VRK1: variants seen among roughly 807,000 people sequenced by gnomAD.
The protein encoded by VRK1 is VRK serine/threonine kinase 1, also known as serine/threonine-protein kinase VRK1.
VRK1 carries 33 observed loss-of-function variants against 57.1 expected under a neutral mutation model. That is an observed-to-expected ratio of 0.58 (90% CI 0.44 to 0.77). VRK1 has a LOEUF of 0.77. VRK1 is among the 30% of genes least tolerant of loss of function. The probability of loss-of-function intolerance (pLI) is 0.00; values close to 1 mark genes in which losing one functional copy is unlikely to be tolerated. For synonymous variants in VRK1, 137 were observed against 147.8 expected (o/e 0.93, Z 0.53); for missense variants, 413 against 477.3 (o/e 0.87, Z 1.25).
intron 10 of VRK1, among the ~76,000 whole-genome samples, chr14:96,859,236 A>T (rs1888284765): frequency 6.6e-6 from 1 of 151,272 alleles, no homozygotes; most frequent in African/African-American, 2.4e-5. Context: ...GCATTTTACG[A>T]CCTTGTTAAA....
At chr14:96,827,170 G>A (rs1045592379) in intron 1 of VRK1, among the ~76,000 whole-genome samples, 2 of 152,132 alleles carry the variant, frequency 1.3e-5, no homozygotes, top group East Asian at 1.9e-4. Context: ...GTGTATGTAC[G>A]TTTGTAAAAT....
intron 12 of VRK1, among the ~76,000 whole-genome samples, chr14:96,878,628 T>C (rs1055894434): frequency 6.6e-6 from 1 of 152,154 alleles, no homozygotes; most frequent in African/African-American, 2.4e-5. Context: ...TGGGGGTCTA[T>C]TGTGTAAGAA....
chr14:96,851,796 G>C (rs375202411), intron 5 of VRK1, among the ~76,000 whole-genome samples: 1 of 152,168 alleles, frequency 6.6e-6, no homozygotes, highest in Non-Finnish European at 1.5e-5. Flanking sequence ...GGTATGATAG[G>C]AGTTACCTAC....
intron 10 of VRK1, among the ~76,000 whole-genome samples, chr14:96,858,497 C>T (rs1888257023): frequency 1.3e-5 from 2 of 152,156 alleles, no homozygotes; most frequent in Non-Finnish European, 2.9e-5. Flanking sequence ...AGGTCGTCTC[C>T]AATTTTTGGC....
intron 11 of VRK1, among the ~76,000 whole-genome samples, chr14:96,871,724 G>T (rs1181421375): frequency 6.6e-6 from 1 of 152,082 alleles, no homozygotes. Context: ...TGTTGTGGAA[G>T]GAAATTGCAA....
At chr14:96,865,795 A>G (rs1888563974) in intron 11 of VRK1, among the ~76,000 whole-genome samples, 1 of 151,870 alleles carries the variant, frequency 6.6e-6, no homozygotes, top group Non-Finnish European at 1.5e-5. Flanking sequence ...GATTATACAA[A>G]GTCTTTCCTT....
chr14:96,856,131 C>T lies in VRK1; in HGVS notation c.711C>T (p.Ala237=), dbSNP rs2139803845. Residue 237 remains alanine, a splice_region_variant and synonymous_variant, in exon 9 of 13, where the codon GCC becomes GCT. Transcript: ENST00000216639. ...AATGTTCTTCTCTTGCATTTGTAGC[C>T]CCATCAAGACGTGGTGATTTGGAAA... The part of the protein sequence containing the change: ...FTSIDAHNGV[A]PSRRGDLEIL... 1 of 1,613,458 alleles carries T rather than the reference C, an allele frequency of 6.2e-7. No homozygotes were observed. Among genetic ancestry groups the T allele is most frequent in the Non-Finnish European group, 8.5e-7 (1 of 1,179,704 alleles).
At chr14:96,824,230 A>G (rs749977638) in intron 1 of VRK1, among the ~76,000 whole-genome samples, 6 of 152,194 alleles carry the variant, frequency 3.9e-5, no homozygotes, top group Non-Finnish European at 4.4e-5. Flanking sequence ...AAAACTGTAT[A>G]TGATAAAGTG....
At chr14:96,877,505 G>A in intron 12 of VRK1, 2 of 1,289,438 alleles carry the variant, frequency 1.6e-6, no homozygotes, top group Non-Finnish European at 2.0e-6. Flanking sequence ...TTATTAGGAA[G>A]TGAGGAGTCC....
At chr14:96,834,282 G>C (rs1462504666) in intron 2 of VRK1, among the ~76,000 whole-genome samples, 1 of 152,072 alleles carries the variant, frequency 6.6e-6, no homozygotes, top group East Asian at 1.9e-4. Context: ...TTTCCATTCT[G>C]TGTTCTCACT....
intron 10 of VRK1, among the ~76,000 whole-genome samples, chr14:96,858,587 T>C (rs763629465): frequency 1.3e-5 from 2 of 152,206 alleles, no homozygotes; most frequent in South Asian, 2.1e-4. Context: ...GGAGGGGTCA[T>C]GTATCTTTCC....
chr14:96,870,030 C>T (rs1888754853), intron 11 of VRK1, among the ~76,000 whole-genome samples: 1 of 152,166 alleles, frequency 6.6e-6, no homozygotes, highest in South Asian at 2.1e-4. Flanking sequence ...CAAAATCTTA[C>T]ATTTTTAATT....
At chr14:96,841,732 G>A (rs1294976889) in intron 3 of VRK1, among the ~76,000 whole-genome samples, 2 of 151,992 alleles carry the variant, frequency 1.3e-5, no homozygotes, top group East Asian at 3.9e-4. Context: ...CTACTCAGGA[G>A]GCTGAGGCAG....
chr14:96,881,224 C>T lies in VRK1; in HGVS notation c.*16C>T. 6.3e-7 allele frequency: 1 copy of T among 1,597,562 alleles called. No homozygotes were observed. On this transcript the variant is annotated 3_prime_UTR_variant, in exon 13 of 13. Coordinates refer to ENST00000216639, the MANE Select transcript of VRK1 (RefSeq NM_003384.3). The stretch of plus-strand genomic sequence containing the variant: ...CCAGAAGTAATTCAGATGCTGTGAA[C>T]CAGATTTCCTTTTCTTTGTTTTCTT...
chr14:96,808,263 C>G (rs946940615), intron 1 of VRK1, among the ~76,000 whole-genome samples: 1 of 152,056 alleles, frequency 6.6e-6, no homozygotes, highest in Non-Finnish European at 1.5e-5. Context: ...GACATGGTCC[C>G]TGCTTTCTGC....
At chr14:96,849,514 A>G (rs992867689) in intron 5 of VRK1, among the ~76,000 whole-genome samples, 2 of 151,596 alleles carry the variant, frequency 1.3e-5, no homozygotes, top group African/African-American at 4.8e-5. Context: ...CTAGCACTAG[A>G]TTGATTGTAC....
chr14:96,854,208 A>G (rs72711032), intron 7 of VRK1, among the ~76,000 whole-genome samples: 1 of 152,170 alleles, frequency 6.6e-6, no homozygotes, highest in Non-Finnish European at 1.5e-5. Flanking sequence ...TAGGCTAAGA[A>G]CAAAGAAAAC....
intron 11 of VRK1, among the ~76,000 whole-genome samples, chr14:96,867,517 T>C (rs912151146): frequency 2.0e-5 from 3 of 151,828 alleles, no homozygotes; most frequent in Non-Finnish European, 4.4e-5. Flanking sequence ...ACACTTTAAT[T>C]AGTTATCTTT....
intron 1 of VRK1, among the ~76,000 whole-genome samples, chr14:96,825,596 A>C (rs1283588883): frequency 6.6e-6 from 1 of 152,236 alleles, no homozygotes; most frequent in Non-Finnish European, 1.5e-5. Context: ...AGGTACAAAC[A>C]GTACTGAAAC....
Sources: gnomAD v4.1 joint callset for allele counts (sites outside exome capture counted in the v4.1 genomes callset) on GRCh38, gnomAD v4.1.1 for gene constraint, MANE v1.5 for transcripts, NCBI Gene and HGNC (gene_info 2026-07-23, HGNC 2026-07-21) for gene names.